Variants in FAM114A2 observed in about 807,000 individuals in gnomAD.
FAM114A2 encodes the protein family with sequence similarity 114 member A2, also known as protein FAM114A2.
A neutral mutation model predicts 58.4 loss-of-function variants in FAM114A2; 53 were observed. The ratio of observed to expected loss-of-function variants is 0.91; its 90% CI spans 0.73 to 1.14. FAM114A2 has a LOEUF of 1.14. Among genes scored for constraint, FAM114A2 ranks in the 50% most tolerant of loss-of-function variants. The pLI is 0.00. For missense variants in FAM114A2, 601 were observed against 581.1 expected (o/e 1.03, Z -0.35); for synonymous variants, 228 against 211.4 (o/e 1.08, Z -0.68).
rs968245509 is a variant in FAM114A2 at position 154,019,231 on chromosome 5, C to T, written c.913+7168G>A. 2.6e-5 allele frequency among the ~76,000 whole-genome samples: 4 copies of T among 152,128 alleles called. No homozygotes were observed. The East Asian group carries it at 7.7e-4, about 29-fold the overall frequency. On this transcript the variant is annotated intron_variant, in intron 8 of 13. Coordinates refer to ENST00000351797, the MANE Select transcript of FAM114A2 (RefSeq NM_018691.4). Reference sequence around the variant, plus strand: ...TAATGTACACAAATCAGTAGCTCTTCAATACACCAACAGTGACCAAGCAGA... The same window carrying T: ...TAATGTACACAAATCAGTAGCTCTTTAATACACCAACAGTGACCAAGCAGA...
intron 8 of FAM114A2, among the ~76,000 whole-genome samples, chr5:154,021,398 C>T (rs1771411079): frequency 6.6e-6 from 1 of 152,150 alleles, no homozygotes; most frequent in African/African-American, 2.4e-5. Flanking sequence ...TTAGAAAACC[C>T]CATTGTCTCA....
intron 11 of FAM114A2, among the ~76,000 whole-genome samples, chr5:153,999,654 T>C (rs1404507046): frequency 6.7e-6 from 1 of 149,172 alleles, no homozygotes; most frequent in African/African-American, 2.5e-5. Context: ...AAAAAATTGA[T>C]GCTGGCAACA....
At chr5:154,010,230 G>A (rs1479837415) in intron 9 of FAM114A2, among the ~76,000 whole-genome samples, 4 of 152,188 alleles carry the variant, frequency 2.6e-5, no homozygotes, top group African/African-American at 9.6e-5. Context: ...AGTATTAACA[G>A]TACTGGATTT....
intron 11 of FAM114A2, 76 bp downstream of exon 11, chr5:154,002,175 G>A (rs1395492884): frequency 1.6e-5 from 23 of 1,397,692 alleles, no homozygotes; most frequent in African/African-American, 2.8e-5. Flanking sequence ...TGAGAGAGAC[G>A]TTTATAAAAC....
At chr5:154,009,756 T>C (rs927378033) in intron 9 of FAM114A2, among the ~76,000 whole-genome samples, 1 of 152,264 alleles carries the variant, frequency 6.6e-6, no homozygotes, top group Admixed American at 6.5e-5. Flanking sequence ...GAGAAAGCAT[T>C]AGAGAAACTC....
intron 11 of FAM114A2, among the ~76,000 whole-genome samples, chr5:153,999,867 G>T (rs942809044): frequency 6.6e-6 from 1 of 152,120 alleles, no homozygotes; most frequent in East Asian, 1.9e-4. Context: ...CAACAGCAAA[G>T]ATATAGAATT....
chr5:154,034,157 C>T, intron 3 of FAM114A2, 121 bp downstream of exon 3: 1 of 674,780 alleles, frequency 1.5e-6, no homozygotes, highest in Non-Finnish European at 2.6e-6. Flanking sequence ...AATGCATCCT[C>T]AAATTATAAA....
At chr5:153,996,589 T>C (rs1482879600) in intron 12 of FAM114A2, among the ~76,000 whole-genome samples, 1 of 146,654 alleles carries the variant, frequency 6.8e-6, no homozygotes, top group East Asian at 2.0e-4. Context: ...AAAAAAAATC[T>C]CCTACAAGTA....
At chr5:154,029,622 C>T (rs758738219) in intron 4 of FAM114A2, 42 bp from the exon 5 acceptor site, 9 of 1,133,812 alleles carry the variant, frequency 7.9e-6, no homozygotes, top group African/African-American at 1.5e-5. Context: ...GGGAAGGTCC[C>T]TTAACTCTCA....
chr5:154,002,990 C>T (rs376691596), intron 9 of FAM114A2, 21 bp from the exon 10 acceptor site: 56 of 1,611,938 alleles, frequency 3.5e-5, no homozygotes, highest in Non-Finnish European at 4.7e-5. Flanking sequence ...AAAATATTGG[C>T]CATCAACAAT....
At chr5:154,003,475 G>C (rs371924900) in intron 9 of FAM114A2, among the ~76,000 whole-genome samples, 1 of 151,972 alleles carries the variant, frequency 6.6e-6, no homozygotes, top group Non-Finnish European at 1.5e-5. Flanking sequence ...CACTGCGCCC[G>C]GCCTCTAATC....
At chr5:154,036,123 TTTAA>T (rs965646700) in intron 1 of FAM114A2, 1 of 152,230 alleles carries the variant, frequency 6.6e-6, no homozygotes, top group African/African-American at 2.4e-5. Context: ...TAGCTTATCT[TTTAA>T]TTGTCTTCAT....
chr5:154,034,020 A>G (rs1241583687), intron 3 of FAM114A2, 137 bp from the exon 4 acceptor site: 3 of 669,498 alleles, frequency 4.5e-6, no homozygotes, highest in Non-Finnish European at 7.9e-6. Context: ...TCTTGGCACT[A>G]TTTCCTTAAA....
intron 9 of FAM114A2, among the ~76,000 whole-genome samples, chr5:154,010,663 A>T (rs115869523): frequency 7.6e-4 from 116 of 152,314 alleles, no homozygotes; most frequent in African/African-American, 2.7e-3. Flanking sequence ...ACTGGCTTAT[A>T]CTTGCCACAG....
intron 13 of FAM114A2, among the ~76,000 whole-genome samples, chr5:153,993,821 A>G (rs1769393839): frequency 6.6e-6 from 1 of 152,238 alleles, no homozygotes; most frequent in Non-Finnish European, 1.5e-5. Context: ...TAGGGAGCCC[A>G]TATCAAGTGA....
chr5:154,022,022 T>C (rs1237491544), intron 8 of FAM114A2, among the ~76,000 whole-genome samples: 1 of 152,138 alleles, frequency 6.6e-6, no homozygotes, highest in Non-Finnish European at 1.5e-5. Flanking sequence ...TTGACAAACC[T>C]GACCAAAACA....
chr5:154,012,156 AATC>A (rs1480456037), intron 8 of FAM114A2, among the ~76,000 whole-genome samples: 2 of 152,208 alleles, frequency 1.3e-5, no homozygotes, highest in Non-Finnish European at 2.9e-5. Context: ...AAAAAGGATC[AATC>A]ATTATGCATC....
chr5:154,030,668 G>A (rs1461122096), intron 4 of FAM114A2, among the ~76,000 whole-genome samples: 1 of 152,226 alleles, frequency 6.6e-6, no homozygotes, highest in African/African-American at 2.4e-5. Flanking sequence ...ATCGGAATTT[G>A]CAGGTCAGAA....
At position 154,025,219 on chromosome 5, in the gene FAM114A2, TTAAAGG is replaced by T. The variant is rs35059663; in HGVS notation, c.913+1174_913+1179del. Reference sequence around the variant, plus strand: ...CACAGAATATTTGTAAGATGCATACTTAAAGGTAAAGATTTAATAAAATTAATAATT... The same window carrying T: ...CACAGAATATTTGTAAGATGCATACTTAAAGATTTAATAAAATTAATAATT... On this transcript the variant is annotated intron_variant, in intron 8 of 13. Coordinates refer to ENST00000351797, the MANE Select transcript of FAM114A2 (RefSeq NM_018691.4). Among the ~76,000 whole-genome samples, 491 of 152,244 alleles carry T rather than the reference TTAAAGG, an allele frequency of 3.2e-3. 1 individual carries two copies. The highest frequency in any genetic ancestry group is 0.011 in the African/African-American group (464 of 41,522).
Sources: allele counts gnomAD v4.1 joint callset (sites outside exome capture counted in the v4.1 genomes callset), GRCh38; gene constraint gnomAD v4.1.1; transcripts MANE v1.5; gene names NCBI Gene and HGNC (gene_info 2026-07-23, HGNC 2026-07-21).